The following PIK3C3 variants were observed in gnomAD, a reference collection of about 807,000 sequenced individuals.
PIK3C3 encodes phosphatidylinositol 3-kinase catalytic subunit type 3, also known as PI3-kinase type 3.
A neutral mutation model predicts 126.1 loss-of-function variants in PIK3C3; 95 were observed. The observed-to-expected ratio is 0.75, with a 90% confidence interval of 0.64 to 0.89. The LOEUF (loss-of-function observed/expected upper bound fraction) is 0.89, where lower values mean the gene tolerates loss of function less well. Among genes scored for constraint, PIK3C3 ranks in the 40% least tolerant of loss-of-function variants. The pLI is 0.00. For missense variants in PIK3C3, 829 were observed against 1,063.2 expected (o/e 0.78, Z 3.06); for synonymous variants, 374 against 360.0 (o/e 1.04, Z -0.44).
intron 3 of PIK3C3, among the ~76,000 whole-genome samples, chr18:41,969,310 A>G (rs1161762968): frequency 6.6e-6 from 1 of 152,142 alleles, no homozygotes; most frequent in Admixed American, 6.5e-5. Flanking sequence ...ATGTTTGAAA[A>G]TTCTTGTTCA....
At chr18:41,960,716 A>G (rs1256299961) in intron 2 of PIK3C3, among the ~76,000 whole-genome samples, 2 of 151,780 alleles carry the variant, frequency 1.3e-5, no homozygotes, top group African/African-American at 4.8e-5. Flanking sequence ...GCAGTTTTCA[A>G]ACTTTTTGAC....
At position 41,977,344 on chromosome 18, in the gene PIK3C3, T is replaced by C. The variant is rs183814267; in HGVS notation, c.531+6888T>C. Among the ~76,000 whole-genome samples the C allele has an allele frequency of 1.4e-3, 216 of 152,270 alleles. 1 individual carries two copies. The highest frequency in any genetic ancestry group is 2.2e-4 in the Non-Finnish European group (15 of 68,018). ...AGGAAACATTACTGAAAAAGGTGTATGTTGTTCAAAGGAACTATTAATAGG... is the reference window on the plus strand; with the variant it reads ...AGGAAACATTACTGAAAAAGGTGTACGTTGTTCAAAGGAACTATTAATAGG... On this transcript the variant is annotated intron_variant, in intron 4 of 24. Transcript: ENST00000262039.
At chr18:42,055,018 C>T (rs1467659965) in intron 21 of PIK3C3, among the ~76,000 whole-genome samples, 2 of 151,710 alleles carry the variant, frequency 1.3e-5, no homozygotes, top group Non-Finnish European at 2.9e-5. Context: ...ATTTCTTTTT[C>T]CCACTTGCTA....
At chr18:41,955,798 A>AG (rs1461226082) in intron 1 of PIK3C3, among the ~76,000 whole-genome samples, 1 of 152,228 alleles carries the variant, frequency 6.6e-6, no homozygotes, top group Admixed American at 6.5e-5. Flanking sequence ...GTTGAGAATA[A>AG]GATGAGCACA....
chr18:42,045,409 A>G (rs1189228277), intron 20 of PIK3C3, among the ~76,000 whole-genome samples: 1 of 152,044 alleles, frequency 6.6e-6, no homozygotes, highest in African/African-American at 2.4e-5. Context: ...TCTGAAAAAA[A>G]ATTGCATATC....
intron 23 of PIK3C3, 140 bp downstream of exon 23, chr18:42,064,970 A>C: frequency 1.5e-5 from 8 of 547,338 alleles, no homozygotes; most frequent in Non-Finnish European, 1.7e-5. Flanking sequence ...AGGTTCTCTC[A>C]TCTGGAGAGA....
At position 42,086,689 on chromosome 18, in the gene PIK3C3, C is replaced by T. The variant is rs1986406485; in HGVS notation, c.*5552C>T. The T allele has an allele frequency of 1.5e-5, 2 of 137,864 alleles. No homozygotes were observed. The highest frequency in any genetic ancestry group is 4.3e-4 in the South Asian group (2 of 4,654). The allele number at this position is 137,864 out of a possible 1,614,324, so 8.5% of individuals were successfully genotyped here. Reference sequence around the variant, plus strand: ...CCATGACAGTTTACAAATGCCATAACAACATCAGGAAGTTACCCTATATGG... The same window carrying T: ...CCATGACAGTTTACAAATGCCATAATAACATCAGGAAGTTACCCTATATGG... On this transcript the variant is annotated 3_prime_UTR_variant, in exon 25 of 25. Coordinates refer to ENST00000262039, the MANE Select transcript of PIK3C3 (RefSeq NM_002647.4).
chr18:42,016,967 T>C (rs1983103318), intron 12 of PIK3C3, among the ~76,000 whole-genome samples: 1 of 152,162 alleles, frequency 6.6e-6, no homozygotes, highest in Non-Finnish European at 1.5e-5. Flanking sequence ...AGGCTAAAAA[T>C]GATAGTTTGT....
At chr18:42,073,460 C>T (rs909289565) in intron 24 of PIK3C3, among the ~76,000 whole-genome samples, 3 of 152,192 alleles carry the variant, frequency 2.0e-5, no homozygotes, top group African/African-American at 7.2e-5. Flanking sequence ...AGGAATGTGA[C>T]AGTGGCTCTC....
intron 1 of PIK3C3, among the ~76,000 whole-genome samples, chr18:41,956,946 C>T (rs183306066): frequency 4.6e-5 from 7 of 152,254 alleles, no homozygotes; most frequent in African/African-American, 1.7e-4. Context: ...AAATGTTCCT[C>T]CCTCTGTGAT....
chr18:42,015,426 T>G (rs751055241), intron 11 of PIK3C3, 50 bp from the exon 12 acceptor site: 7 of 1,421,388 alleles, frequency 4.9e-6, no homozygotes, highest in Non-Finnish European at 6.0e-6. Context: ...TGCGTTCTCT[T>G]ATGGACAGAG....
At chr18:42,001,953 T>C (rs1311723780) in intron 9 of PIK3C3, among the ~76,000 whole-genome samples, 4 of 152,192 alleles carry the variant, frequency 2.6e-5, no homozygotes, top group Admixed American at 1.3e-4. Context: ...TAGGGCAATC[T>C]GTGTTCTATA....
chr18:42,016,287 G>A (rs1343503693), intron 12 of PIK3C3, among the ~76,000 whole-genome samples: 1 of 151,818 alleles, frequency 6.6e-6, no homozygotes, highest in African/African-American at 2.4e-5. Context: ...CATATCTTTC[G>A]GTATAACAAA....
chr18:42,083,355 A>G lies in PIK3C3; in HGVS notation c.*2218A>G, dbSNP rs890374018. ...GTTTGAGAAATGTATTTGTGAGGAC[A>G]CATCACTTTAATTAAAAAAGTGTGA... On this transcript the variant is annotated 3_prime_UTR_variant, in exon 25 of 25. Transcript: ENST00000262039. 1 of 152,222 alleles carries G rather than the reference A, an allele frequency of 6.6e-6. No homozygotes were observed. The highest frequency in any genetic ancestry group is 1.5e-5 in the Non-Finnish European group (1 of 68,040). The allele number at this position is 152,222 out of a possible 1,614,324, so 9.4% of individuals were successfully genotyped here. A position where few individuals can be genotyped will look rare whatever the true frequency, so the allele number is the denominator to read the frequency against.
intron 12 of PIK3C3, among the ~76,000 whole-genome samples, chr18:42,019,116 G>T (rs12605021): frequency 1.3e-5 from 2 of 151,964 alleles, no homozygotes; most frequent in Admixed American, 6.6e-5. Context: ...TCCCATCACC[G>T]GTTTTATAGA....
At chr18:41,979,078 A>AAC (rs1981069606) in intron 4 of PIK3C3, among the ~76,000 whole-genome samples, 1 of 151,118 alleles carries the variant, frequency 6.6e-6, no homozygotes, top group South Asian at 2.1e-4. Context: ...AAAAAAAAAA[A>AAC]AAAAAAAAAG....
chr18:42,086,651 AC>A lies in PIK3C3; in HGVS notation c.*5515del, dbSNP rs1208858392. 6.6e-6 allele frequency: 1 copy of A among 152,074 alleles called. No homozygotes were observed. The highest frequency in any genetic ancestry group is 2.4e-5 in the African/African-American group (1 of 41,402). 9.4% of individuals were successfully genotyped at this position (152,074 alleles called of 1,614,324 possible). A position where few individuals can be genotyped will look rare whatever the true frequency, so the allele number is the denominator to read the frequency against. On this transcript the variant is annotated 3_prime_UTR_variant, in exon 25 of 25. Transcript: ENST00000262039. Reference sequence around the variant, plus strand: ...ATAATGCATTGACATGCTAAGAGACACTCCCACCAGCACCATGACAGTTTAC... The same window carrying A: ...ATAATGCATTGACATGCTAAGAGACATCCCACCAGCACCATGACAGTTTAC...
chr18:42,000,549 A>G (rs1329616635), intron 9 of PIK3C3, among the ~76,000 whole-genome samples: 1 of 152,152 alleles, frequency 6.6e-6, no homozygotes, highest in African/African-American at 2.4e-5. Flanking sequence ...ATGGATTTAT[A>G]TACGTGTGTG....
intron 3 of PIK3C3, among the ~76,000 whole-genome samples, chr18:41,967,691 GA>G (rs1326899453): frequency 6.6e-6 from 1 of 152,176 alleles, no homozygotes; most frequent in Non-Finnish European, 1.5e-5. Flanking sequence ...CCTTAATTTG[GA>G]AGTCTAGCAT....
Sources: allele counts gnomAD v4.1 joint callset (sites outside exome capture counted in the v4.1 genomes callset), GRCh38; gene constraint gnomAD v4.1.1; transcripts MANE v1.5; gene names NCBI Gene and HGNC (gene_info 2026-07-23, HGNC 2026-07-21).